Variants in ODAD2 observed in about 807,000 individuals in gnomAD.
ODAD2 encodes outer dynein arm docking complex subunit 2, also known as outer dynein arm-docking complex subunit 2.
Under a neutral mutation model 106.8 loss-of-function variants are expected in ODAD2, and 89 were observed. The ratio of observed to expected loss-of-function variants is 0.83; its 90% CI spans 0.70 to 0.99. ODAD2 has a LOEUF of 0.99. ODAD2 is among the 50% of genes least tolerant of loss of function. ODAD2 has a pLI of 0.00. For synonymous variants in ODAD2, 404 were observed against 436.2 expected (o/e 0.93, Z 0.92); for missense variants, 1,168 against 1,238.5 (o/e 0.94, Z 0.85).
At chr10:27,945,814 G>A (rs943771567) in intron 10 of ODAD2, among the ~76,000 whole-genome samples, 1 of 151,918 alleles carries the variant, frequency 6.6e-6, no homozygotes, top group Admixed American at 6.6e-5. Flanking sequence ...TCAGCTGGCT[G>A]ATAAGAGTTC....
chr10:27,936,698 T>C, intron 15 of ODAD2, 28 bp downstream of exon 15: 1 of 1,613,010 alleles, frequency 6.2e-7, no homozygotes, highest in Non-Finnish European at 8.5e-7. Flanking sequence ...CGTATCTTCA[T>C]TTCAGAATAT....
intron 19 of ODAD2, among the ~76,000 whole-genome samples, chr10:27,813,939 A>G (rs1430029885): frequency 4.6e-5 from 7 of 152,182 alleles, no homozygotes; most frequent in Non-Finnish European, 1.0e-4. Flanking sequence ...TCTTCAATAA[A>G]TGGCCCCAGA....
chr10:27,904,189 C>A (rs774789035), intron 17 of ODAD2: 3 of 290,816 alleles, frequency 1.0e-5, no homozygotes, highest in African/African-American at 4.4e-5. Context: ...TAGCTTTCCA[C>A]GTGATAGGGC....
chr10:27,876,378 G>T (rs2133507468), intron 17 of ODAD2, among the ~76,000 whole-genome samples: 1 of 152,304 alleles, frequency 6.6e-6, no homozygotes, highest in East Asian at 1.9e-4. Context: ...AGCAACATTT[G>T]CTGTTCAGCA....
chr10:27,915,635 CAGTG>C (rs967822373), intron 16 of ODAD2, among the ~76,000 whole-genome samples: 3 of 152,046 alleles, frequency 2.0e-5, no homozygotes, highest in African/African-American at 4.8e-5. Context: ...TCATAAGAAA[CAGTG>C]AGGGCAAGAA....
At chr10:27,812,887 G>A (rs960847386) in intron 19 of ODAD2, among the ~76,000 whole-genome samples, 1 of 151,980 alleles carries the variant, frequency 6.6e-6, no homozygotes, top group African/African-American at 2.4e-5. Flanking sequence ...CTATTTTTGG[G>A]TCTGCTTCTG....
chr10:27,990,974 G>A (rs907290500), intron 2 of ODAD2, among the ~76,000 whole-genome samples: 2 of 152,074 alleles, frequency 1.3e-5, no homozygotes, highest in African/African-American at 2.4e-5. Context: ...AAAAAATCAG[G>A]TAATAACATT....
intron 19 of ODAD2, among the ~76,000 whole-genome samples, chr10:27,852,036 G>A (rs981584589): frequency 6.6e-6 from 1 of 152,044 alleles, no homozygotes; most frequent in African/African-American, 2.4e-5. Context: ...GTTTAAAGTT[G>A]GGAAAGAAAA....
intron 10 of ODAD2, among the ~76,000 whole-genome samples, chr10:27,959,473 C>T (rs1847967742): frequency 1.3e-5 from 2 of 151,984 alleles, no homozygotes. Flanking sequence ...GGCACTGTTG[C>T]AAGCGTGGCC....
rs1849450192 is a variant in ODAD2, at chr10:27,980,067, A to T, written c.936+1399T>A. Among the ~76,000 whole-genome samples, 3 of 152,242 alleles carry T rather than the reference A, an allele frequency of 2.0e-5. No homozygotes were observed. The East Asian group carries it at 5.8e-4, about 29-fold the overall frequency. ...GATTTTCAACAAGAATGCTGAGACC[A>T]TCCAAAAGAGAAAGGACAATCTCTT... On this transcript the variant is annotated intron_variant, in intron 7 of 19. Coordinates refer to ENST00000305242, the MANE Select transcript of ODAD2 (RefSeq NM_018076.5).
chr10:27,915,490 T>G (rs1169519835), intron 16 of ODAD2, among the ~76,000 whole-genome samples: 1 of 152,122 alleles, frequency 6.6e-6, no homozygotes, highest in East Asian at 1.9e-4. Context: ...TACCCTCACG[T>G]CCTAATCACT....
chr10:27,880,898 G>A (rs1841660418), intron 17 of ODAD2, among the ~76,000 whole-genome samples: 1 of 152,196 alleles, frequency 6.6e-6, no homozygotes, highest in African/African-American at 2.4e-5. Context: ...GTATTCATTG[G>A]TGGGTGGGAA....
At chr10:27,878,170 G>A (rs1841471668) in intron 17 of ODAD2, among the ~76,000 whole-genome samples, 1 of 152,136 alleles carries the variant, frequency 6.6e-6, no homozygotes, top group South Asian at 2.1e-4. Flanking sequence ...CAGTCATTGA[G>A]AAAGAGAATA....
chr10:27,812,876 G>T (rs1435196538), intron 19 of ODAD2, among the ~76,000 whole-genome samples: 1 of 152,122 alleles, frequency 6.6e-6, no homozygotes, highest in African/African-American at 2.4e-5. Flanking sequence ...GTATCTAACT[G>T]CTATTTTTGG....
intron 16 of ODAD2, among the ~76,000 whole-genome samples, chr10:27,927,856 T>C (rs1346502820): frequency 6.6e-6 from 1 of 152,148 alleles, no homozygotes; most frequent in African/African-American, 2.4e-5. Flanking sequence ...TCTGTTTTTG[T>C]CTTTCTTTCT....
intron 7 of ODAD2, among the ~76,000 whole-genome samples, chr10:27,975,379 T>C (rs1849125483): frequency 6.6e-6 from 1 of 152,158 alleles, no homozygotes; most frequent in South Asian, 2.1e-4. Flanking sequence ...TTAGTAAATC[T>C]ATAGTCCTAT....
At chr10:27,984,966 G>C in intron 4 of ODAD2, 53 bp downstream of exon 4, 1 of 1,300,274 alleles carries the variant, frequency 7.7e-7, no homozygotes, top group East Asian at 2.4e-5. Flanking sequence ...CTGGAGTTCA[G>C]TGGTGCAATC....
intron 10 of ODAD2, among the ~76,000 whole-genome samples, chr10:27,959,870 T>C (rs544149795): frequency 1.3e-5 from 2 of 152,296 alleles, no homozygotes; most frequent in Admixed American, 6.5e-5. Context: ...AAAAAACTTA[T>C]GTAATAAATG....
chr10:27,875,241 T>C (rs1488655161), intron 17 of ODAD2, among the ~76,000 whole-genome samples: 1 of 152,222 alleles, frequency 6.6e-6, no homozygotes, highest in Non-Finnish European at 1.5e-5. Flanking sequence ...CTGGTTATTC[T>C]AGTTAGCCCT....
Sources: gnomAD v4.1 joint callset for allele counts (sites outside exome capture counted in the v4.1 genomes callset) on GRCh38, gnomAD v4.1.1 for gene constraint, MANE v1.5 for transcripts, NCBI Gene and HGNC (gene_info 2026-07-23, HGNC 2026-07-21) for gene names.